Variants in SMG6 observed in about 807,000 individuals in gnomAD.
SMG6 encodes the protein SMG6 nonsense mediated mRNA decay factor.
In SMG6, 66 loss-of-function variants were observed where a neutral mutation model predicts 142.2. The observed-to-expected ratio is 0.46, with a 90% CI of 0.38 to 0.57. The LOEUF (loss-of-function observed/expected upper bound fraction) is 0.57, where lower values mean the gene tolerates loss of function less well. SMG6 is among the 20% of genes least tolerant of loss of function. The pLI, the probability that SMG6 is intolerant of heterozygous loss-of-function variation, is 0.00. For synonymous variants in SMG6, 779 were observed against 702.4 expected (o/e 1.11, Z -1.72); for missense variants, 1,793 against 1,832.0 (o/e 0.98, Z 0.39).
At chr17:2,284,045 T>C (rs550256973) in intron 6 of SMG6, among the ~76,000 whole-genome samples, 1 of 152,358 alleles carries the variant, frequency 6.6e-6, no homozygotes, top group East Asian at 1.9e-4. Flanking sequence ...AAAAGCATGA[T>C]GTTCAATTCA....
chr17:2,241,857 T>C (rs1322919415), intron 9 of SMG6, among the ~76,000 whole-genome samples: 1 of 152,268 alleles, frequency 6.6e-6, no homozygotes, highest in Non-Finnish European at 1.5e-5. Flanking sequence ...CCAAGATTTA[T>C]AACTTTTTTA....
intron 8 of SMG6, among the ~76,000 whole-genome samples, chr17:2,276,590 T>C (rs1304159807): frequency 1.3e-5 from 2 of 152,116 alleles, no homozygotes; most frequent in Non-Finnish European, 2.9e-5. Flanking sequence ...TTCACTATGT[T>C]GGTCAGGCTT....
intron 15 of SMG6, among the ~76,000 whole-genome samples, chr17:2,080,792 T>C (rs1462628097): frequency 2.6e-5 from 4 of 152,080 alleles, no homozygotes; most frequent in Admixed American, 1.3e-4. Flanking sequence ...TGCACCACCA[T>C]GCCCAGCTAA....
chr17:2,302,857 C>T (rs1415860481), intron 1 of SMG6, among the ~76,000 whole-genome samples: 6 of 152,068 alleles, frequency 3.9e-5, no homozygotes, highest in Admixed American at 1.3e-4. Context: ...TCTAGAGCAG[C>T]GGGAGAAAAT....
intron 9 of SMG6, among the ~76,000 whole-genome samples, chr17:2,240,896 T>C (rs919007449): frequency 2.6e-5 from 4 of 152,224 alleles, no homozygotes; most frequent in Non-Finnish European, 5.9e-5. Flanking sequence ...ACCGCCCACA[T>C]TTCACATCTT....
At chr17:2,209,788 C>T (rs1270603597) in intron 10 of SMG6, among the ~76,000 whole-genome samples, 1 of 152,218 alleles carries the variant, frequency 6.6e-6, no homozygotes, top group African/African-American at 2.4e-5. Context: ...GCGTGAGGCA[C>T]CGTGCCCAGC....
At chr17:2,264,749 A>G (rs1021825831) in intron 8 of SMG6, among the ~76,000 whole-genome samples, 2 of 151,938 alleles carry the variant, frequency 1.3e-5, no homozygotes, top group Non-Finnish European at 2.9e-5. Context: ...GGAAAATACA[A>G]AAATTAGCTG....
At chr17:2,267,939 G>A (rs985350423) in intron 8 of SMG6, among the ~76,000 whole-genome samples, 5 of 151,932 alleles carry the variant, frequency 3.3e-5, no homozygotes, top group African/African-American at 9.7e-5. Context: ...AGTAGAGACG[G>A]GGTTTCACCG....
In SMG6 at chr17:2,157,257, A is replaced by T. The variant is rs532131179; in HGVS notation, c.3357+15401T>A. On this transcript the variant is annotated intron_variant, in intron 13 of 18. Coordinates refer to ENST00000263073, the MANE Select transcript of SMG6 (RefSeq NM_017575.5). Reference sequence around the variant, plus strand: ...ATATGCCTGAGACTCCCAGGAGAACAGTGACTAGTGCTGGTAGGGAACAGA... The same window carrying T: ...ATATGCCTGAGACTCCCAGGAGAACTGTGACTAGTGCTGGTAGGGAACAGA... Among the ~76,000 whole-genome samples, 150 of 152,374 alleles carry T rather than the reference A, an allele frequency of 9.8e-4. 1 individual carries two copies. Among genetic ancestry groups the T allele is most frequent in the Non-Finnish European group, 1.9e-3 (126 of 68,040 alleles).
At chr17:2,121,099 A>G (rs529461323) in intron 13 of SMG6, among the ~76,000 whole-genome samples, 1 of 152,350 alleles carries the variant, frequency 6.6e-6, no homozygotes, top group South Asian at 2.1e-4. Context: ...AGCTTGGTCC[A>G]GGGGATCTCT....
chr17:2,150,742 C>T (rs1013462167), intron 13 of SMG6, among the ~76,000 whole-genome samples: 7 of 152,320 alleles, frequency 4.6e-5, no homozygotes, highest in Admixed American at 3.3e-4. Flanking sequence ...CAAAGTATGA[C>T]TCTAAGGTAA....
intron 13 of SMG6, among the ~76,000 whole-genome samples, chr17:2,156,291 G>C (rs1196359586): frequency 1.3e-5 from 2 of 148,758 alleles, no homozygotes; most frequent in Non-Finnish European, 3.0e-5. Context: ...CTACTCCGGA[G>C]GCTGAGGCAG....
rs575916316 is a variant in SMG6 at position 2,212,237 on chromosome 17, AACATTAT to A, written c.2870-23729_2870-23723del. Among the ~76,000 whole-genome samples the A allele has an allele frequency of 2.1e-3, 316 of 151,998 alleles. 3 individuals carry two copies. Among genetic ancestry groups the A allele is most frequent in the South Asian group, 0.011 (51 of 4,822 alleles). On this transcript the variant is annotated intron_variant, in intron 10 of 18. Transcript: ENST00000263073. ...CAGCGAAAAGGCTGGAACTAACTAA[AACATTAT>A]TAAAACTGTTATGGAAAGAGACAGG... is the stretch of plus-strand genomic sequence containing the variant.
chr17:2,265,579 C>A (rs989220473), intron 8 of SMG6, among the ~76,000 whole-genome samples: 1 of 151,842 alleles, frequency 6.6e-6, no homozygotes, highest in African/African-American at 2.4e-5. Flanking sequence ...AACAGAAGAA[C>A]CTTATCATTA....
At chr17:2,148,090 C>A (rs2070722054) in intron 13 of SMG6, among the ~76,000 whole-genome samples, 4 of 152,058 alleles carry the variant, frequency 2.6e-5, no homozygotes, top group Admixed American at 2.6e-4. Flanking sequence ...ACTGGGGAGG[C>A]TGAGGTGGGA....
chr17:2,071,986 TG>T lies in SMG6; in HGVS notation c.3682-3056del, dbSNP rs906278804. 6.6e-6 allele frequency: 1 copy of T among 152,156 alleles called. No homozygotes were observed. Among genetic ancestry groups the T allele is most frequent in the African/African-American group, 2.4e-5 (1 of 41,412 alleles). The allele number at this position is 152,156 out of a possible 1,614,324, so 9.4% of individuals were successfully genotyped here. A position where few individuals can be genotyped will look rare whatever the true frequency, so the allele number is the denominator to read the frequency against. On this transcript the variant is annotated intron_variant, in intron 15 of 18. Coordinates refer to ENST00000263073, the MANE Select transcript of SMG6 (RefSeq NM_017575.5). This position sits in a 1 kb window ranked among gnomAD's most constrained non-coding sequence, Gnocchi z 5.6. The stretch of plus-strand genomic sequence containing the variant: ...GGCCGTCACGTCCCATTCCGATCTC[TG>T]GGTCGCACGGTAAGAGGAGGACACA...
In SMG6 at chr17:2,172,862, G is replaced by A; in HGVS notation, c.3156-3C>T. The A allele has an allele frequency of 6.2e-7, 1 of 1,613,866 alleles. No individual in the cohort carries two copies. Among genetic ancestry groups the A allele is most frequent in the Non-Finnish European group, 8.5e-7 (1 of 1,179,792 alleles). ...TCGACCATACATCCACAGCAACACTGTGAGAAATAAGGTAAGAAAAGAGCA... is the reference window on the plus strand; with the variant it reads ...TCGACCATACATCCACAGCAACACTATGAGAAATAAGGTAAGAAAAGAGCA... On this transcript the variant is annotated splice_polypyrimidine_tract_variant and splice_region_variant and intron_variant, in intron 12 of 18. Coordinates refer to ENST00000263073, the MANE Select transcript of SMG6 (RefSeq NM_017575.5).
chr17:2,301,296 A>G (rs2075272229), intron 1 of SMG6, among the ~76,000 whole-genome samples: 1 of 152,248 alleles, frequency 6.6e-6, no homozygotes, highest in East Asian at 1.9e-4. Context: ...TGAATTAAAC[A>G]GCAAGCAGTT....
At chr17:2,172,977 C>A in intron 12 of SMG6, 118 bp from the exon 13 acceptor site, 1 of 984,542 alleles carries the variant, frequency 1.0e-6, no homozygotes, top group African/African-American at 1.6e-5. Context: ...CTGGCATCTG[C>A]CAGGAAATCA....
Sources: gnomAD v4.1 joint callset for allele counts (sites outside exome capture counted in the v4.1 genomes callset) on GRCh38, gnomAD v4.1.1 for gene constraint, Gnocchi (gnomAD v3.1) non-coding constraint, MANE v1.5 for transcripts, NCBI Gene and HGNC (gene_info 2026-07-23, HGNC 2026-07-21) for gene names.